The following CT55 variants were observed in gnomAD, a reference collection of about 807,000 sequenced individuals.
CT55 encodes BRCA2-interacting protein.
CT55 carries 1 observed loss-of-function variant against 12.6 expected under a neutral mutation model. The observed-to-expected ratio is 0.08, with a 90% CI of 0.03 to 0.38. The LOEUF (loss-of-function observed/expected upper bound fraction) is 0.38, where lower values mean the gene tolerates loss of function less well. Ranked by LOEUF, CT55 falls within the 10% of genes least tolerant of loss-of-function variation. The pLI is 0.99. For missense variants in CT55, 109 were observed against 135.4 expected (o/e 0.80, Z 0.97); for synonymous variants, 43 against 49.7 (o/e 0.87, Z 0.57).
intron 2 of CT55, among the ~76,000 whole-genome samples, chrX:135,165,941 A>C (rs1229100610): frequency 9.5e-6 from 1 of 105,481 alleles, no homozygotes; most frequent in Admixed American, 1.0e-4. Flanking sequence ...ATCCCCCATC[A>C]GTGAAGAGTC....
intron 2 of CT55, among the ~76,000 whole-genome samples, chrX:135,162,314 T>G (rs1248009967): frequency 8.9e-6 from 1 of 112,235 alleles, no homozygotes; most frequent in Non-Finnish European, 1.9e-5. Flanking sequence ...AGAATTAGCC[T>G]AAGGATACTT....
At chrX:135,170,584 C>T (rs782166870) in intron 1 of CT55, among the ~76,000 whole-genome samples, 1 of 106,744 alleles carries the variant, frequency 9.4e-6, no homozygotes. Context: ...TCTTCTTCTT[C>T]TTTTTTTTTT....
At chrX:135,169,519 A>T in intron 2 of CT55, 75 bp downstream of exon 2, 1 of 839,261 alleles carries the variant, frequency 1.2e-6, no homozygotes, top group Non-Finnish European at 1.7e-6. Flanking sequence ...ATGTCGGATT[A>T]ACTCAAGAAA....
chrX:135,169,984 A>G (rs1348232166), intron 1 of CT55, among the ~76,000 whole-genome samples: 2 of 111,884 alleles, frequency 1.8e-5, no homozygotes, highest in Non-Finnish European at 3.8e-5. Context: ...AAAATTTATT[A>G]AAATTTAAAA....
intron 2 of CT55, among the ~76,000 whole-genome samples, chrX:135,166,700 T>C (rs782467544): frequency 4.5e-5 from 5 of 111,631 alleles, no homozygotes; most frequent in Admixed American, 9.5e-5. Flanking sequence ...TACTTATAAA[T>C]AACCCTGAAG....
intron 1 of CT55, among the ~76,000 whole-genome samples, chrX:135,170,599 T>C (rs1330450760): frequency 9.0e-6 from 1 of 110,731 alleles, no homozygotes; most frequent in Non-Finnish European, 1.9e-5. Flanking sequence ...TTTTTTATTC[T>C]GCACAAGCCT....
At chrX:135,170,867 G>A (rs190265862) in intron 1 of CT55, among the ~76,000 whole-genome samples, 142 of 111,942 alleles carry the variant, frequency 1.3e-3, no homozygotes, top group African/African-American at 4.1e-3. Flanking sequence ...ACACCTTCCC[G>A]CTTTAGATGG....
At chrX:135,168,696 T>C (rs1409494594) in intron 2 of CT55, among the ~76,000 whole-genome samples, 12 of 111,606 alleles carry the variant, frequency 1.1e-4, no homozygotes, top group African/African-American at 2.9e-4. Context: ...ACCACTAGAT[T>C]GTTCCCTCTA....
At position 135,165,994 on chromosome X, in the gene CT55, T is replaced by C. The variant is rs1322518656; in HGVS notation, c.279+3600A>G. Reference sequence around the variant, plus strand: ...CCTTCCTAATACTACCAAATTTATATATAAAGAAGAATAATTAATAGCTAT... The same window carrying C: ...CCTTCCTAATACTACCAAATTTATACATAAAGAAGAATAATTAATAGCTAT... On this transcript the variant is annotated intron_variant, in intron 2 of 5. Coordinates refer to ENST00000276241, the MANE Select transcript of CT55 (RefSeq NM_001031705.3). Among the ~76,000 whole-genome samples, 3 of 72,579 alleles carry C rather than the reference T, an allele frequency of 4.1e-5. No homozygotes were observed. The East Asian group carries it at 1.4e-3, about 34-fold the overall frequency. The allele number at this position is 72,579 out of a possible 115,157, so 63.0% of individuals were successfully genotyped here.
intron 2 of CT55, among the ~76,000 whole-genome samples, chrX:135,164,877 G>A (rs1222713426): frequency 2.7e-5 from 3 of 112,060 alleles, no homozygotes; most frequent in Admixed American, 9.4e-5. Context: ...TCATCAAGAG[G>A]ATATAATGAT....
chrX:135,159,901 C>T (rs1300673827), intron 3 of CT55, among the ~76,000 whole-genome samples: 3 of 109,636 alleles, frequency 2.7e-5, no homozygotes, highest in African/African-American at 1.0e-4. Flanking sequence ...ATATATCTGC[C>T]GATTACAAAG....
chrX:135,158,548 T>C lies in CT55; in HGVS notation c.425-237A>G, dbSNP rs781840472. Reference sequence around the variant, plus strand: ...TTTAAATGGAGGAAAGTGTGAAGCATGCATCACAGCCAATATGAGGGAGCA... The same window carrying C: ...TTTAAATGGAGGAAAGTGTGAAGCACGCATCACAGCCAATATGAGGGAGCA... On this transcript the variant is annotated intron_variant, in intron 3 of 5. Coordinates refer to ENST00000276241, the MANE Select transcript of CT55 (RefSeq NM_001031705.3). 8.9e-5 allele frequency among the ~76,000 whole-genome samples: 10 copies of C among 112,636 alleles called. No homozygotes were observed. The South Asian group carries it at 3.7e-3, about 41-fold the overall frequency.
At position 135,171,111 on chromosome X, in the gene CT55, G is replaced by C. The variant is rs782749026; in HGVS notation, c.61C>G (p.Arg21Gly). The change falls in exon 1 of 6, where the codon CGA (arginine) becomes GGA (glycine). Residue 21 changes from arginine (R) to glycine (G), a missense_variant. Arg to Gly is a moderately radical substitution (Grantham distance 125, BLOSUM62 -2). Transcript: ENST00000276241. ...AGGCCCTGCTGCTGTGGGCCCTGTC[G>C]CTCTGCAGGGTCGGCCGTCCTCCCG... ...FYGRTADPAERQGPQQQGLPQ... is the reference protein window; with the variant it reads ...FYGRTADPAEGQGPQQQGLPQ... 4.1e-6 allele frequency: 5 copies of C among 1,211,650 alleles called. No homozygotes were observed. Among genetic ancestry groups the C allele is most frequent in the Non-Finnish European group, 5.6e-6 (5 of 895,401 alleles).
intron 1 of CT55, among the ~76,000 whole-genome samples, chrX:135,170,159 G>T (rs1325780686): frequency 1.8e-5 from 2 of 110,516 alleles, no homozygotes; most frequent in Non-Finnish European, 3.8e-5. Context: ...GGTGTGTACC[G>T]TCACACCCAG....
chrX:135,170,659 G>A (rs1360090771), intron 1 of CT55, among the ~76,000 whole-genome samples: 5 of 111,091 alleles, frequency 4.5e-5, no homozygotes, highest in Non-Finnish European at 7.5e-5. Context: ...GCCGGCAGGG[G>A]TTCTCTGCCT....
At chrX:135,167,449 C>A (rs782556283) in intron 2 of CT55, among the ~76,000 whole-genome samples, 4 of 111,544 alleles carry the variant, frequency 3.6e-5, no homozygotes, top group African/African-American at 1.3e-4. Context: ...TAAATCAACT[C>A]AAAATGATTT....
At chrX:135,160,610 A>G in intron 2 of CT55, 55 bp from the exon 3 acceptor site, 1 of 1,122,322 alleles carries the variant, frequency 8.9e-7, no homozygotes, top group Non-Finnish European at 1.2e-6. Flanking sequence ...TAAACATGGA[A>G]CTTACATGAT....
chrX:135,167,976 C>G (rs191567536), intron 2 of CT55, among the ~76,000 whole-genome samples: 232 of 111,202 alleles, frequency 2.1e-3, no homozygotes, highest in Non-Finnish European at 3.5e-3. Flanking sequence ...AAATTGGAAG[C>G]TTTATGCACG....
chrX:135,169,525 A>G, intron 2 of CT55, 69 bp downstream of exon 2: 1 of 916,797 alleles, frequency 1.1e-6, no homozygotes, highest in Non-Finnish European at 1.5e-6. Context: ...GATTAACTCA[A>G]GAAAAGAAAG....
Sources: allele counts gnomAD v4.1 joint callset (sites outside exome capture counted in the v4.1 genomes callset), GRCh38; gene constraint gnomAD v4.1.1; transcripts MANE v1.5; gene names NCBI Gene and HGNC (gene_info 2026-07-23, HGNC 2026-07-21).